Variants in MIIP observed in about 807,000 individuals in gnomAD.
MIIP encodes the protein migration and invasion-inhibitory protein.
MIIP carries 44 observed loss-of-function variants against 44.8 expected under a neutral mutation model. That is an observed-to-expected ratio of 0.98 (90% CI 0.77 to 1.26). The LOEUF is 1.26. MIIP is among the 50% of genes most tolerant of loss of function. MIIP has a pLI of 0.00. For synonymous variants in MIIP, 225 were observed against 218.3 expected (o/e 1.03, Z -0.27); for missense variants, 496 against 511.7 (o/e 0.97, Z 0.30).
rs200255049 is a variant in MIIP, at chr1:12,031,294, C to T, written c.971C>T (p.Pro324Leu). ...TGCCTGCTGGGCTGGGACATTTTTCCTCCGAAGTCTGAGAAAAGCTCAGCC... is the reference window on the plus strand; with the variant it reads ...TGCCTGCTGGGCTGGGACATTTTTCTTCCGAAGTCTGAGAAAAGCTCAGCC... ...RHCLLGWDIF[P>L]PKSEKSSAPR... Residue 324 changes from proline (P) to leucine (L), a missense_variant, in exon 9 of 10, where the codon CCT (proline) becomes CTT (leucine). Pro to Leu is a moderately conservative substitution (Grantham distance 98). Transcript: ENST00000235332. 9.4e-5 allele frequency: 151 copies of T among 1,613,938 alleles called. No homozygotes were observed. Among genetic ancestry groups the T allele is most frequent in the Middle Eastern group, 5.0e-4 (3 of 6,058 alleles).
At chr1:12,030,439 C>T (rs527679343) in intron 8 of MIIP, among the ~76,000 whole-genome samples, 2 of 152,094 alleles carry the variant, frequency 1.3e-5, no homozygotes, top group African/African-American at 4.8e-5. Context: ...CCACAGCAGC[C>T]AGGAGTGTAG....
chr1:12,028,302 C>G (rs772741570), intron 4 of MIIP, among the ~76,000 whole-genome samples: 1 of 152,222 alleles, frequency 6.6e-6, no homozygotes, highest in Non-Finnish European at 1.5e-5. Flanking sequence ...GCCTCTGCTT[C>G]CCCTCAACTT....
chr1:12,026,669 A>G (rs1400528907), intron 4 of MIIP, among the ~76,000 whole-genome samples: 1 of 152,098 alleles, frequency 6.6e-6, no homozygotes, highest in Non-Finnish European at 1.5e-5. Flanking sequence ...GTTGTATCTC[A>G]TGCTCCCTGC....
rs1010223640 is a variant in MIIP, at chr1:12,031,957, G to C, written c.*149G>C. On this transcript the variant is annotated 3_prime_UTR_variant, in exon 10 of 10. Transcript: ENST00000235332. ...GTGGGTGGACCCAAGCTTGTCTGCT[G>C]CCTGAGTTCCAGAGAGGGAGGACCC... 9.6e-6 allele frequency: 7 copies of C among 727,320 alleles called. No homozygotes were observed. The African/African-American group carries it at 1.1e-4, about 11-fold the overall frequency. 45.1% of individuals were successfully genotyped at this position (727,320 alleles called of 1,614,324 possible).
chr1:12,021,784 C>T lies in MIIP; in HGVS notation c.58C>T (p.Gln20Ter). ...GCTGCTCAATCTGGAGCTCCTGAGG[C>T]AGCTGTGGGTGGGGCAGGATGCTGT... Reference protein sequence around the residue: ...LRLLNLELLRQLWVGQDAVRR... With the variant: ...LRLLNLELLR Residue 20 changes from glutamine (Q) to a stop codon, truncating the protein, a stop_gained, in exon 2 of 10, where the codon CAG becomes TAG. Transcript: ENST00000235332. LOFTEE classifies it high-confidence loss of function. 1 of 1,613,018 alleles carries T rather than the reference C, an allele frequency of 6.2e-7. No individual in the cohort carries two copies. Among genetic ancestry groups the T allele is most frequent in the Non-Finnish European group, 8.5e-7 (1 of 1,179,970 alleles).
intron 3 of MIIP, 134 bp from the exon 4 acceptor site, chr1:12,022,699 T>C: frequency 2.7e-6 from 2 of 734,904 alleles, no homozygotes; most frequent in Non-Finnish European, 4.5e-6. Flanking sequence ...TTCTTGCTCT[T>C]GTGCCCTTGG....
chr1:12,021,311 G>C (rs935189029), intron 1 of MIIP, among the ~76,000 whole-genome samples: 2 of 151,384 alleles, frequency 1.3e-5, no homozygotes, highest in African/African-American at 4.9e-5. Flanking sequence ...GGAGAATGGC[G>C]TGAACCCGGG....
At chr1:12,029,433 G>A (rs1640177323) in intron 6 of MIIP, 152 bp downstream of exon 6, 1 of 917,774 alleles carries the variant, frequency 1.1e-6, no homozygotes, top group Non-Finnish European at 1.6e-6. Context: ...GTCTGGACAG[G>A]GTGGCCAAGC....
At chr1:12,031,196 G>A (rs943931369) in intron 8 of MIIP, 70 bp from the exon 9 acceptor site, 3 of 1,537,868 alleles carry the variant, frequency 2.0e-6, no homozygotes, top group African/African-American at 1.4e-5. Context: ...GTTCCTCCCT[G>A]ATGGGGGTGT....
chr1:12,029,359 C>A, intron 6 of MIIP, 78 bp downstream of exon 6: 1 of 1,468,198 alleles, frequency 6.8e-7, no homozygotes, highest in Non-Finnish European at 9.3e-7. Context: ...CAGAGCAGTC[C>A]CATTTGAGGT....
intron 4 of MIIP, among the ~76,000 whole-genome samples, chr1:12,023,364 G>A (rs1452425820): frequency 2.1e-5 from 3 of 146,320 alleles, no homozygotes; most frequent in South Asian, 2.2e-4. Flanking sequence ...GCCCCCCACA[G>A]CCACCTTCTT....
chr1:12,024,720 G>A (rs920774185), intron 4 of MIIP, among the ~76,000 whole-genome samples: 1 of 152,080 alleles, frequency 6.6e-6, no homozygotes, highest in African/African-American at 2.4e-5. Context: ...CACATGTAGC[G>A]TTTTTTAAGT....
At chr1:12,029,959 A>G (rs1477422785) in intron 7 of MIIP, 65 bp downstream of exon 7, 2 of 1,609,326 alleles carry the variant, frequency 1.2e-6, no homozygotes, top group Admixed American at 1.7e-5. Context: ...TTAAGAAAAG[A>G]TGGGCCTGGG....
intron 8 of MIIP, 98 bp downstream of exon 8, chr1:12,030,222 A>C: frequency 8.6e-7 from 1 of 1,158,626 alleles, no homozygotes; most frequent in Non-Finnish European, 1.3e-6. Context: ...TGGGCTCGAC[A>C]AGGGTGAGCG....
chr1:12,029,691 C>T, intron 6 of MIIP, 74 bp from the exon 7 acceptor site: 1 of 1,558,288 alleles, frequency 6.4e-7, no homozygotes, highest in Non-Finnish European at 8.7e-7. Flanking sequence ...TTGGGGGCCG[C>T]TGAGGGCAGC....
intron 9 of MIIP, 120 bp from the exon 10 acceptor site, chr1:12,031,602 G>A: frequency 6.2e-7 from 1 of 1,610,988 alleles, no homozygotes; most frequent in Non-Finnish European, 8.5e-7. Flanking sequence ...CCTGCCGCCT[G>A]CCCTGCTCCA....
Position 12,022,214 on chromosome 1 carries a change from T to A in MIIP, c.234T>A (p.Asp78Glu), listed in dbSNP as rs1305381453. ...GGTCCTCCGTGTGGGGCCCACCAGA[T>A]GCCTGTCGAGGGGACCTCCGTGATG... is the stretch of plus-strand genomic sequence containing the variant. ...RGRSSVWGPP[D>E]ACRGDLRDVA... Residue 78 changes from aspartate (D) to glutamate (E), a missense_variant, in exon 3 of 10, where the codon GAT becomes GAA. By Grantham distance (45) the Asp-to-Glu change is conservative. Transcript: ENST00000235332. 6.2e-7 allele frequency: 1 copy of A among 1,613,124 alleles called. No homozygotes were observed. Among genetic ancestry groups the A allele is most frequent in the East Asian group, 2.2e-5 (1 of 44,866 alleles).
intron 8 of MIIP, 54 bp from the exon 9 acceptor site, chr1:12,031,212 G>A: frequency 6.4e-7 from 1 of 1,572,104 alleles, no homozygotes; most frequent in Non-Finnish European, 8.6e-7. Flanking sequence ...GGTGTGCCCA[G>A]TCAGCGGGGA....
intron 1 of MIIP, 92 bp from the exon 2 acceptor site, chr1:12,021,553 C>G: frequency 1.7e-6 from 1 of 600,892 alleles, no homozygotes; most frequent in African/African-American, 1.9e-5. Context: ...AAATAACTTG[C>G]CTGAGGCAGT....
Sources: allele counts gnomAD v4.1 joint callset (sites outside exome capture counted in the v4.1 genomes callset), GRCh38; gene constraint gnomAD v4.1.1; transcripts MANE v1.5; gene names NCBI Gene and HGNC (gene_info 2026-07-23, HGNC 2026-07-21).